Variants in SCAMP2 observed in about 807,000 individuals in gnomAD.
The protein encoded by SCAMP2 is secretory carrier-associated membrane protein 2.
SCAMP2 carries 25 observed loss-of-function variants against 44.1 expected under a neutral mutation model. The observed-to-expected ratio is 0.57, with a 90% CI of 0.41 to 0.79. The LOEUF is 0.79. Among genes scored for constraint, SCAMP2 ranks in the 30% least tolerant of loss-of-function variants. SCAMP2 has a pLI of 0.00. For synonymous variants in SCAMP2, 156 were observed against 166.0 expected (o/e 0.94, Z 0.46); for missense variants, 355 against 411.0 (o/e 0.86, Z 1.18).
chr15:74,869,068 C>T (rs764670104), intron 1 of SCAMP2, among the ~76,000 whole-genome samples: 9 of 152,126 alleles, frequency 5.9e-5, no homozygotes, highest in Admixed American at 1.3e-4. Flanking sequence ...GCAGGAGAAT[C>T]GCTTGAACCC....
rs187851188 is a variant in SCAMP2, at chr15:74,863,494, G to C, written c.58-8845C>G. Among the ~76,000 whole-genome samples the C allele has an allele frequency of 9.3e-5, 14 of 150,816 alleles. No individual in the cohort carries two copies. The East Asian group carries it at 2.5e-3, about 27-fold the overall frequency. On this transcript the variant is annotated intron_variant, in intron 1 of 8. Transcript: ENST00000268099. ...CTACTGCACCCTGGCCTGGGTGACA[G>C]AGACAGACCCCATCTCCAAAAAAAA... is the stretch of plus-strand genomic sequence containing the variant.
chr15:74,848,958 C>A (rs1050837108), intron 6 of SCAMP2, among the ~76,000 whole-genome samples: 3 of 152,044 alleles, frequency 2.0e-5, no homozygotes, highest in Admixed American at 6.6e-5. Context: ...TAAAGTTGCT[C>A]CCCCAAAGGA....
chr15:74,850,768 C>T, intron 5 of SCAMP2, 95 bp from the exon 6 acceptor site: 3 of 1,331,372 alleles, frequency 2.3e-6, no homozygotes, highest in Non-Finnish European at 3.1e-6. Flanking sequence ...GAGGTTCATG[C>T]TGCGAAGGCA....
At chr15:74,867,809 A>G (rs546251399) in intron 1 of SCAMP2, among the ~76,000 whole-genome samples, 1 of 152,380 alleles carries the variant, frequency 6.6e-6, no homozygotes, top group South Asian at 2.1e-4. Context: ...TGACTTGGCA[A>G]CTTACAAACA....
intron 2 of SCAMP2, 115 bp from the exon 3 acceptor site, chr15:74,854,234 G>A: frequency 6.4e-6 from 6 of 941,272 alleles, no homozygotes; most frequent in Admixed American, 6.0e-5. Context: ...GACTCCCTCG[G>A]GGCCTGCACT....
At chr15:74,872,963 G>A in intron 1 of SCAMP2, 2 of 463,002 alleles carry the variant, frequency 4.3e-6, no homozygotes, top group Non-Finnish European at 7.6e-6. Context: ...CAGCCTCCGG[G>A]TGCTAGAAGA....
chr15:74,850,725 G>A (rs1462137769), intron 5 of SCAMP2, 52 bp from the exon 6 acceptor site: 22 of 1,588,450 alleles, frequency 1.4e-5, no homozygotes, highest in Non-Finnish European at 1.8e-5. Context: ...TGGCTGAGGG[G>A]CTCCAATGTG....
intron 1 of SCAMP2, among the ~76,000 whole-genome samples, chr15:74,866,641 C>A (rs976040513): frequency 1.3e-5 from 2 of 152,022 alleles, no homozygotes; most frequent in African/African-American, 2.4e-5. Flanking sequence ...AAATGAATAA[C>A]CCTGTTTTCC....
chr15:74,865,198 T>C (rs1596423895), intron 1 of SCAMP2, among the ~76,000 whole-genome samples: 1 of 144,200 alleles, frequency 6.9e-6, no homozygotes, highest in Non-Finnish European at 1.5e-5. Context: ...CTGGCCAACA[T>C]AGTGAAACCC....
chr15:74,859,051 G>A (rs1490970409), intron 1 of SCAMP2, among the ~76,000 whole-genome samples: 4 of 151,690 alleles, frequency 2.6e-5, no homozygotes, highest in Non-Finnish European at 4.4e-5. Context: ...CTTGTGATCC[G>A]CCCACCTCAG....
intron 6 of SCAMP2, 148 bp downstream of exon 6, chr15:74,850,366 G>T (rs2064427234): frequency 1.2e-6 from 1 of 802,694 alleles, no homozygotes; most frequent in Non-Finnish European, 2.0e-6. Context: ...CTCTGGGTGG[G>T]AACAGAGGAA....
chr15:74,851,307 C>T, intron 5 of SCAMP2, 46 bp downstream of exon 5: 1 of 1,600,324 alleles, frequency 6.2e-7, no homozygotes. Context: ...GCTCTCAAGT[C>T]ACACCCAATT....
At chr15:74,869,579 C>T (rs1009084804) in intron 1 of SCAMP2, among the ~76,000 whole-genome samples, 2 of 152,122 alleles carry the variant, frequency 1.3e-5, no homozygotes, top group African/African-American at 4.8e-5. Flanking sequence ...GGAATGAGAC[C>T]CAGGTCAGCA....
At chr15:74,856,927 T>C (rs75415114) in intron 1 of SCAMP2, among the ~76,000 whole-genome samples, 7 of 152,154 alleles carry the variant, frequency 4.6e-5, no homozygotes, top group Admixed American at 2.0e-4. Flanking sequence ...ATGCTAATAT[T>C]AGACATAGCC....
intron 7 of SCAMP2, among the ~76,000 whole-genome samples, chr15:74,847,050 A>G (rs1371197204): frequency 6.6e-6 from 1 of 150,386 alleles, no homozygotes; most frequent in Non-Finnish European, 1.5e-5. Context: ...TAGAACTGAG[A>G]TTCCAGAAAT....
At chr15:74,866,676 G>C (rs1180509196) in intron 1 of SCAMP2, among the ~76,000 whole-genome samples, 1 of 152,098 alleles carries the variant, frequency 6.6e-6, no homozygotes, top group Non-Finnish European at 1.5e-5. Context: ...TCTGCTTTCA[G>C]TCCAAGCCCT....
Position 74,850,690 on chromosome 15 carries a change from G to A in SCAMP2, c.473-17C>T. On this transcript the variant is annotated splice_polypyrimidine_tract_variant and intron_variant, in intron 5 of 8. Transcript: ENST00000268099. Reference sequence around the variant, plus strand: ...CTGAATGCACTGGGGAAGGGGACAGGACAGAGTTATGACTTGTGCCACAGT... The same window carrying A: ...CTGAATGCACTGGGGAAGGGGACAGAACAGAGTTATGACTTGTGCCACAGT... The A allele has an allele frequency of 6.2e-7, 1 of 1,613,418 alleles. No homozygotes were observed. The highest frequency in any genetic ancestry group is 8.5e-7 in the Non-Finnish European group (1 of 1,179,760).
chr15:74,850,384 T>C, intron 6 of SCAMP2, 130 bp downstream of exon 6: 1 of 914,496 alleles, frequency 1.1e-6, no homozygotes, highest in Non-Finnish European at 1.7e-6. Context: ...GAACAGAATG[T>C]AGGGAAAGTG....
chr15:74,845,019 C>T lies in SCAMP2; in HGVS notation c.*64G>A. Reference sequence around the variant, plus strand: ...GCACAACCACCACCACATAAGGCACCCACGGAAAGTGCAGCTCAGAAGGCA... The same window carrying T: ...GCACAACCACCACCACATAAGGCACTCACGGAAAGTGCAGCTCAGAAGGCA... On this transcript the variant is annotated 3_prime_UTR_variant, in exon 9 of 9. Coordinates refer to ENST00000268099, the MANE Select transcript of SCAMP2 (RefSeq NM_005697.5). 6.4e-7 allele frequency: 1 copy of T among 1,560,368 alleles called. No homozygotes were observed. Among genetic ancestry groups the T allele is most frequent in the Non-Finnish European group, 8.7e-7 (1 of 1,145,478 alleles).
Sources: allele counts gnomAD v4.1 joint callset (sites outside exome capture counted in the v4.1 genomes callset), GRCh38; gene constraint gnomAD v4.1.1; transcripts MANE v1.5; gene names NCBI Gene and HGNC (gene_info 2026-07-23, HGNC 2026-07-21).